The following B3GALT1 variants were observed in gnomAD, a reference collection of about 807,000 sequenced individuals.
B3GALT1 encodes the protein UDP-Gal:betaGlcNAc beta 1,3-galactosyltransferase, polypeptide 1.
In B3GALT1, 10 loss-of-function variants were observed where a neutral mutation model predicts 23.2. That is an observed-to-expected ratio of 0.43 (90% CI 0.27 to 0.73). B3GALT1 has a LOEUF of 0.73. B3GALT1 is among the 30% of genes least tolerant of loss of function. The pLI, the probability that B3GALT1 is intolerant of heterozygous loss-of-function variation, is 0.21. For missense variants in B3GALT1, 299 were observed against 405.4 expected, an observed-to-expected ratio of 0.74 and a Z score of 2.25; for synonymous variants, 156 against 141.5, an observed-to-expected ratio of 1.10 and a Z score of -0.73.
intron 1 of B3GALT1, among the ~76,000 whole-genome samples, chr2:167,351,509 G>T (rs1001365981): frequency 3.3e-5 from 5 of 152,162 alleles, no homozygotes; most frequent in African/African-American, 1.2e-4. Context: ...AAATAAGAGA[G>T]AATTTTGCCT....
At chr2:167,576,761 A>G (rs1391621014) in intron 2 of B3GALT1, among the ~76,000 whole-genome samples, 2 of 151,742 alleles carry the variant, frequency 1.3e-5, no homozygotes, top group East Asian at 3.9e-4. Context: ...CTCCATTTGC[A>G]TAAATCCTAT....
At chr2:167,715,440 T>C in intron 3 of B3GALT1, 3 of 1,608,218 alleles carry the variant, frequency 1.9e-6, no homozygotes, top group Non-Finnish European at 2.6e-6. Flanking sequence ...AAAGCATCTT[T>C]TATTGCTATC....
chr2:167,345,669 G>A (rs1030853599), intron 1 of B3GALT1, among the ~76,000 whole-genome samples: 4 of 152,074 alleles, frequency 2.6e-5, no homozygotes, highest in African/African-American at 4.8e-5. Flanking sequence ...TGTGCTCGCT[G>A]TTATGTCAGT....
At chr2:167,313,596 G>A (rs934058374) in intron 1 of B3GALT1, among the ~76,000 whole-genome samples, 3 of 152,018 alleles carry the variant, frequency 2.0e-5, no homozygotes, top group African/African-American at 2.4e-5. Context: ...CATCCCATTC[G>A]TTTCTTGAAC....
intron 2 of B3GALT1, among the ~76,000 whole-genome samples, chr2:167,592,730 C>G (rs1207802360): frequency 6.6e-6 from 1 of 152,124 alleles, no homozygotes; most frequent in East Asian, 1.9e-4. Context: ...TTGCTTCCAC[C>G]CTGGTTTCTG....
At chr2:167,620,112 C>T (rs1458104979) in intron 2 of B3GALT1, among the ~76,000 whole-genome samples, 1 of 151,802 alleles carries the variant, frequency 6.6e-6, no homozygotes, top group Non-Finnish European at 1.5e-5. Flanking sequence ...AAGGAACCAA[C>T]GGTGTGAGGA....
intron 2 of B3GALT1, among the ~76,000 whole-genome samples, chr2:167,560,647 G>T (rs1683961773): frequency 6.6e-6 from 1 of 151,256 alleles, no homozygotes; most frequent in African/African-American, 2.4e-5. Context: ...AAAGGCAGGG[G>T]TTGCAATCCT....
intron 1 of B3GALT1, among the ~76,000 whole-genome samples, chr2:167,304,080 C>G (rs140175445): frequency 6.6e-6 from 1 of 152,270 alleles, no homozygotes; most frequent in South Asian, 2.1e-4. Context: ...AATACCCTTA[C>G]TTTACTAGTA....
In B3GALT1 at chr2:167,445,487, T is replaced by C. The variant is rs147299190; in HGVS notation, c.-510-44690T>C. Reference sequence around the variant, plus strand: ...GGGTGTTAAAGTCTTCCATTATTATTGTGTGGGAGGCTAAGTCTCTTTGTA... The same window carrying C: ...GGGTGTTAAAGTCTTCCATTATTATCGTGTGGGAGGCTAAGTCTCTTTGTA... On this transcript the variant is annotated intron_variant, in intron 1 of 4. Transcript: ENST00000392690. Among the ~76,000 whole-genome samples the C allele has an allele frequency of 2.4e-3, 358 of 152,336 alleles. 1 individual carries two copies. The highest frequency in any genetic ancestry group is 7.9e-3 in the African/African-American group (329 of 41,582).
In B3GALT1 at chr2:167,586,834, G is replaced by A. The variant is rs1451975381; in HGVS notation, c.-409-60075G>A. Among the ~76,000 whole-genome samples, 8 of 152,188 alleles carry A rather than the reference G, an allele frequency of 5.3e-5. No homozygotes were observed. The South Asian group carries it at 1.7e-3, about 32-fold the overall frequency. On this transcript the variant is annotated intron_variant, in intron 2 of 4. Transcript: ENST00000392690. ...TTTTTGAGAAGGAAAACACAAGGGC[G>A]TGCCTATTCAAAAGAAACTAAAACT...
intron 3 of B3GALT1, among the ~76,000 whole-genome samples, chr2:167,777,226 C>T (rs1688176498): frequency 6.6e-6 from 1 of 152,084 alleles, no homozygotes; most frequent in Non-Finnish European, 1.5e-5. Flanking sequence ...AATGAATAAC[C>T]ATATATTTAA....
intron 1 of B3GALT1, among the ~76,000 whole-genome samples, chr2:167,297,040 A>G (rs967963824): frequency 3.3e-5 from 5 of 152,120 alleles, no homozygotes; most frequent in African/African-American, 9.7e-5. Flanking sequence ...TATGAGAACA[A>G]TAACACTGCG....
At chr2:167,584,906 A>G (rs1019894) in intron 2 of B3GALT1, among the ~76,000 whole-genome samples, 11,050 of 152,202 alleles carry the variant, frequency 0.073, 822 homozygotes, top group African/African-American at 0.19. Context: ...TTGGGTTTTT[A>G]TGGAAGCTTC....
At position 167,828,992 on chromosome 2, in the gene B3GALT1, G is replaced by A. The variant is rs573567454; in HGVS notation, c.-230+10199G>A. Among the ~76,000 whole-genome samples, 37 of 152,264 alleles carry A rather than the reference G, an allele frequency of 2.4e-4. 1 individual carries two copies. The South Asian group carries it at 7.7e-3, about 32-fold the overall frequency. On this transcript the variant is annotated intron_variant, in intron 4 of 4. Transcript: ENST00000392690. ...CTGCCACAATCTGTGTACTATAACA[G>A]AGAGAAACGTTTACCAAAAGTACGG...
intron 2 of B3GALT1, among the ~76,000 whole-genome samples, chr2:167,561,171 C>A (rs1269389789): frequency 1.3e-5 from 2 of 152,198 alleles, no homozygotes; most frequent in East Asian, 3.8e-4. Context: ...CACTCAACTA[C>A]ATGGAAACTG....
chr2:167,489,559 G>T (rs904890409), intron 1 of B3GALT1, among the ~76,000 whole-genome samples: 4 of 152,176 alleles, frequency 2.6e-5, no homozygotes, highest in African/African-American at 9.7e-5. Flanking sequence ...AGAAAAGAAT[G>T]CCTGAGACTT....
chr2:167,561,395 G>A (rs1038919491), intron 2 of B3GALT1, among the ~76,000 whole-genome samples: 15 of 152,102 alleles, frequency 9.9e-5, no homozygotes, highest in South Asian at 2.1e-4. Context: ...AATTAAAAGA[G>A]CTAGAAAAGC....
chr2:167,402,044 C>A (rs1335830346), intron 1 of B3GALT1, among the ~76,000 whole-genome samples: 1 of 152,048 alleles, frequency 6.6e-6, no homozygotes, highest in Non-Finnish European at 1.5e-5. Flanking sequence ...TAAGAATGGA[C>A]TAGCTTTTAA....
intron 3 of B3GALT1, among the ~76,000 whole-genome samples, chr2:167,754,812 A>G (rs901879814): frequency 3.9e-5 from 6 of 152,204 alleles, no homozygotes; most frequent in African/African-American, 7.2e-5. Flanking sequence ...GACCAAGGCT[A>G]CTCAACACCA....
Sources: gnomAD v4.1 joint callset for allele counts (sites outside exome capture counted in the v4.1 genomes callset) on GRCh38, gnomAD v4.1.1 for gene constraint, MANE v1.5 for transcripts, NCBI Gene and HGNC (gene_info 2026-07-23, HGNC 2026-07-21) for gene names.